The following TNFRSF11A variants were observed in gnomAD, a reference collection of about 807,000 sequenced individuals.
The protein encoded by TNFRSF11A is tumor necrosis factor receptor superfamily member 11A.
In TNFRSF11A, 32 loss-of-function variants were observed where a neutral mutation model predicts 55.7. That is an observed-to-expected ratio of 0.57 (90% CI 0.43 to 0.77). The LOEUF (loss-of-function observed/expected upper bound fraction) is 0.77, where lower values mean the gene tolerates loss of function less well. Ranked by LOEUF, TNFRSF11A falls within the 30% of genes least tolerant of loss-of-function variation. TNFRSF11A has a pLI of 0.00. For missense variants in TNFRSF11A, 753 were observed against 809.8 expected (o/e 0.93, Z 0.85); for synonymous variants, 311 against 331.0 (o/e 0.94, Z 0.65).
chr18:62,341,741 A>G (rs1293252255), intron 1 of TNFRSF11A, among the ~76,000 whole-genome samples: 1 of 148,922 alleles, frequency 6.7e-6, no homozygotes, highest in Non-Finnish European at 1.5e-5. Flanking sequence ...CACATCATGT[A>G]TAGGAGTTCT....
intron 9 of TNFRSF11A, among the ~76,000 whole-genome samples, chr18:62,380,096 TA>T (rs1451575859): frequency 2.0e-5 from 3 of 152,154 alleles, no homozygotes; most frequent in Admixed American, 6.5e-5. Context: ...CAAAAATTAA[TA>T]AGAATTTCAT....
chr18:62,355,223 C>T (rs1484180588), intron 4 of TNFRSF11A, among the ~76,000 whole-genome samples: 1 of 152,268 alleles, frequency 6.6e-6, no homozygotes, highest in East Asian at 1.9e-4. Flanking sequence ...CACCTTTTCA[C>T]ATTCGAATAT....
intron 9 of TNFRSF11A, among the ~76,000 whole-genome samples, chr18:62,371,866 T>C (rs114898203): frequency 0.016 from 2,492 of 152,352 alleles, 61 homozygotes; most frequent in African/African-American, 0.057. Context: ...ACAGAGGCCT[T>C]ATCCCATGGT....
intron 1 of TNFRSF11A, chr18:62,330,975 G>A (rs549792862): frequency 6.6e-6 from 1 of 152,378 alleles, no homozygotes; most frequent in African/African-American, 2.4e-5. Context: ...GGGAGGCCAA[G>A]GTGGCAGATC....
intron 1 of TNFRSF11A, among the ~76,000 whole-genome samples, chr18:62,341,044 C>G (rs569935524): frequency 6.6e-6 from 1 of 152,370 alleles, no homozygotes; most frequent in South Asian, 2.1e-4. Flanking sequence ...ATCTGCCGAG[C>G]TTATTTAAAA....
intron 9 of TNFRSF11A, among the ~76,000 whole-genome samples, chr18:62,371,412 G>A (rs573979683): frequency 2.6e-5 from 4 of 152,292 alleles, no homozygotes; most frequent in African/African-American, 7.2e-5. Context: ...CAAAAAGCCC[G>A]ATCTTTGCTC....
In TNFRSF11A at chr18:62,389,152, G is replaced by A. The variant is rs1911900729; in HGVS notation, c.*4118G>A. The A allele has an allele frequency of 6.6e-6, 1 of 152,348 alleles. No individual in the cohort carries two copies. The highest frequency in any genetic ancestry group is 2.1e-4 in the South Asian group (1 of 4,832). 9.4% of individuals were successfully genotyped at this position (152,348 alleles called of 1,614,324 possible). A position where few individuals can be genotyped will look rare whatever the true frequency, so the allele number is the denominator to read the frequency against. On this transcript the variant is annotated 3_prime_UTR_variant, in exon 10 of 10. Transcript: ENST00000586569. ...TGTGCTTTTAGTGGCAGGGCCCTGAGCACCTGGGAAAGGAGATGAGGAGCG... is the reference window on the plus strand; with the variant it reads ...TGTGCTTTTAGTGGCAGGGCCCTGAACACCTGGGAAAGGAGATGAGGAGCG...
intron 1 of TNFRSF11A, among the ~76,000 whole-genome samples, chr18:62,346,308 C>T (rs544755699): frequency 2.5e-4 from 38 of 152,324 alleles, no homozygotes; most frequent in African/African-American, 7.9e-4. Context: ...ACCCAGTTTG[C>T]ATGGCCGCAT....
At chr18:62,331,225 GTAAATAAA>G (rs5825487) in intron 1 of TNFRSF11A, among the ~76,000 whole-genome samples, 6 of 150,122 alleles carry the variant, frequency 4.0e-5, no homozygotes, top group South Asian at 2.2e-4. Context: ...TAAATAAATA[GTAAATAAA>G]TAAATAAATA....
chr18:62,340,871 G>A (rs563222812), intron 1 of TNFRSF11A, among the ~76,000 whole-genome samples: 30 of 152,278 alleles, frequency 2.0e-4, no homozygotes, highest in Admixed American at 1.8e-3. Flanking sequence ...AGGTGAGCAG[G>A]GGATCCTAAA....
intron 1 of TNFRSF11A, among the ~76,000 whole-genome samples, chr18:62,345,684 T>C (rs1031528139): frequency 6.6e-6 from 1 of 152,078 alleles, no homozygotes; most frequent in African/African-American, 2.4e-5. Flanking sequence ...CACTGAACGG[T>C]AGGTATACTT....
chr18:62,358,098 CAGGGGTGGG>C lies in TNFRSF11A; in HGVS notation c.428-149_428-141del, dbSNP rs528521887. The C allele has an allele frequency of 5.7e-3, 4,004 of 707,308 alleles. 21 individuals carry two copies. The highest frequency in any genetic ancestry group is 8.3e-3 in the Non-Finnish European group (3,383 of 406,348). The allele number at this position is 707,308 out of a possible 1,614,324, so 43.8% of individuals were successfully genotyped here. On this transcript the variant is annotated intron_variant, in intron 4 of 9. Coordinates refer to ENST00000586569, the MANE Select transcript of TNFRSF11A (RefSeq NM_003839.4). ...CTGTGGGAGCTGAAGAAGTTAGACACAGGGGTGGGCACAGGGGTGGGAGGTGAGGGCAGA... is the reference window on the plus strand; with the variant it reads ...CTGTGGGAGCTGAAGAAGTTAGACACCACAGGGGTGGGAGGTGAGGGCAGA...
chr18:62,339,473 CAGGG>C (rs66480551), intron 1 of TNFRSF11A, among the ~76,000 whole-genome samples: 10,616 of 152,252 alleles, frequency 0.07, 783 homozygotes, highest in East Asian at 0.33. Context: ...CGTCCACGAT[CAGGG>C]AGGATCTTTC....
chr18:62,384,895 A>T lies in TNFRSF11A; in HGVS notation c.1712A>T (p.Gln571Leu), dbSNP rs1911585617. Residue 571 changes from glutamine to leucine, a missense_variant, in exon 10 of 10, where the codon CAG becomes CTG. Physicochemically the swap from Gln to Leu is moderately radical, Grantham distance 113. This residue lies in a region of TNFRSF11A where 567 missense variants were observed against 596.7 expected (regional missense o/e 0.95). Coordinates refer to ENST00000586569, the MANE Select transcript of TNFRSF11A (RefSeq NM_003839.4). ...AAAEPMGRPV[Q>L]EETLARRDSF... ...GCGGAGCCCATGGGCCGCCCGGTGC[A>T]GGAGGAGACCCTGGCGCGCCGAGAC... 1 of 1,585,274 alleles carries T rather than the reference A, an allele frequency of 6.3e-7. No individual in the cohort carries two copies. Among genetic ancestry groups the T allele is most frequent in the East Asian group, 2.3e-5 (1 of 43,728 alleles).
chr18:62,325,691 T>A lies in TNFRSF11A; in HGVS notation c.75+264T>A, dbSNP rs1600336803. ...CGAAACGGGCTCTTCCAAAAGCCCC[T>A]CTTAGCCGCAGGCTTTGATGCTGTC... is the stretch of plus-strand genomic sequence containing the variant. On this transcript the variant is annotated intron_variant, in intron 1 of 9. Transcript: ENST00000586569. The surrounding 1 kb of genome is among the most constrained non-coding windows in gnomAD (Gnocchi z 4.7). Among the ~76,000 whole-genome samples the A allele has an allele frequency of 2.6e-5, 4 of 152,296 alleles. No homozygotes were observed. In the Middle Eastern group the frequency reaches 0.01, roughly 389 times the overall value.
intron 6 of TNFRSF11A, among the ~76,000 whole-genome samples, 179 bp from the exon 7 acceptor site, chr18:62,361,501 T>A (rs1188898508): frequency 6.6e-6 from 1 of 152,120 alleles, no homozygotes; most frequent in African/African-American, 2.4e-5. Flanking sequence ...AGATTGTGGA[T>A]CTCACCCTTT....
chr18:62,343,457 G>C (rs1261202992), intron 1 of TNFRSF11A, among the ~76,000 whole-genome samples: 1 of 152,148 alleles, frequency 6.6e-6, no homozygotes, highest in African/African-American at 2.4e-5. Context: ...TCTAAATACA[G>C]ATCTGCTCGT....
chr18:62,375,867 C>G (rs1176320728), intron 9 of TNFRSF11A, among the ~76,000 whole-genome samples: 1 of 152,190 alleles, frequency 6.6e-6, no homozygotes, highest in Non-Finnish European at 1.5e-5. Flanking sequence ...GATGTGGTAG[C>G]ATGTACCTGT....
At chr18:62,370,760 G>C (rs888106974) in intron 9 of TNFRSF11A, among the ~76,000 whole-genome samples, 22 of 152,078 alleles carry the variant, frequency 1.4e-4, no homozygotes, top group Admixed American at 1.2e-3. Flanking sequence ...TATTTTTTAA[G>C]ATTGTAAGGA....
Sources: gnomAD v4.1 joint callset for allele counts (sites outside exome capture counted in the v4.1 genomes callset) on GRCh38, gnomAD v4.1.1 for gene constraint, gnomAD v4.1.1 regional missense constraint, Gnocchi (gnomAD v3.1) non-coding constraint, MANE v1.5 for transcripts, NCBI Gene and HGNC (gene_info 2026-07-23, HGNC 2026-07-21) for gene names.